WBP2NL: variants seen among roughly 807,000 people sequenced by gnomAD.
WBP2NL encodes postacrosomal sheath WW domain-binding protein.
WBP2NL carries 27 observed loss-of-function variants against 23.3 expected under a neutral mutation model. The observed-to-expected ratio is 1.16, with a 90% CI of 0.85 to 1.60. The LOEUF is 1.60. WBP2NL is among the 40% of genes most tolerant of loss of function. The probability of loss-of-function intolerance (pLI) is 0.00; values close to 1 mark genes in which losing one functional copy is unlikely to be tolerated. For missense variants in WBP2NL, 370 were observed against 389.5 expected (o/e 0.95, Z 0.42); for synonymous variants, 151 against 145.9 (o/e 1.03, Z -0.25).
chr22:42,001,702 G>A, intron 1 of WBP2NL: 1 of 1,221,672 alleles, frequency 8.2e-7, no homozygotes, highest in Non-Finnish European at 1.2e-6. Flanking sequence ...CTTTGAAGGT[G>A]AAGTTAAGAG....
chr22:42,009,716 C>A (rs1922632191), intron 1 of WBP2NL, among the ~76,000 whole-genome samples: 1 of 152,108 alleles, frequency 6.6e-6, no homozygotes, highest in African/African-American at 2.4e-5. Context: ...GTTACTGTAG[C>A]TTTGTAATAT....
chr22:42,021,789 C>CTTTCTT (rs762017491), intron 4 of WBP2NL, among the ~76,000 whole-genome samples: 3 of 132,696 alleles, frequency 2.3e-5, no homozygotes, highest in African/African-American at 8.5e-5. Flanking sequence ...TTCTTTCTTT[C>CTTTCTT]TTTTTTTTTT....
At chr22:42,004,838 C>T (rs1050070879) in intron 1 of WBP2NL, among the ~76,000 whole-genome samples, 6 of 152,198 alleles carry the variant, frequency 3.9e-5, no homozygotes, top group South Asian at 2.1e-4. Context: ...GCAGGAGAAT[C>T]GCTTGAACCT....
intron 2 of WBP2NL, 106 bp from the exon 3 acceptor site, chr22:42,019,556 G>C: frequency 6.5e-7 from 1 of 1,543,914 alleles, no homozygotes; most frequent in East Asian, 2.3e-5. Flanking sequence ...GGTGGTGGAA[G>C]AAAAGATGAT....
intron 1 of WBP2NL, among the ~76,000 whole-genome samples, chr22:42,016,756 C>CT (rs1467527757): frequency 1.3e-5 from 2 of 152,156 alleles, no homozygotes; most frequent in Non-Finnish European, 2.9e-5. Context: ...CCCTTTTAAT[C>CT]TGCACATTAC....
In WBP2NL at chr22:42,048,323, G is replaced by T. The variant is rs192654612; in HGVS notation, c.*274-9967G>T. On this transcript the variant is annotated intron_variant and NMD_transcript_variant, in intron 8 of 8. Transcript: ENST00000436265. ...TAATCCCAGCTACTCGGGAGGCAGA[G>T]GTTGCAGTGAGCCGGGATTGCACCA... Among the ~76,000 whole-genome samples the T allele has an allele frequency of 2.0e-5, 3 of 150,570 alleles. No individual in the cohort carries two copies. In the East Asian group the frequency reaches 5.8e-4, roughly 29 times the overall value.
At chr22:42,045,594 C>T (rs1925557083) in intron 8 of WBP2NL, among the ~76,000 whole-genome samples, 1 of 152,196 alleles carries the variant, frequency 6.6e-6, no homozygotes, top group Admixed American at 6.5e-5. Context: ...TTGTGAACAG[C>T]TCTCTGCCCA....
Position 42,001,824 on chromosome 22 carries a change from T to C in WBP2NL, c.62+2944T>C, listed in dbSNP as rs1288036794. 5 of 1,279,350 alleles carry C rather than the reference T, an allele frequency of 3.9e-6. No individual in the cohort carries two copies. In the African/African-American group the frequency reaches 4.4e-5, roughly 11 times the overall value. The allele number at this position is 1,279,350 out of a possible 1,614,324, so 79.2% of individuals were successfully genotyped here. On this transcript the variant is annotated intron_variant, in intron 1 of 5. Coordinates refer to ENST00000328823, the MANE Select transcript of WBP2NL (RefSeq NM_152613.3). ...GTCTCTAATGCCCTTGTATTGCTTA[T>C]CTGCAGTGATCTGCTTGCTGGCATG...
intron 4 of WBP2NL, 76 bp from the exon 5 acceptor site, chr22:42,022,173 T>G: frequency 8.5e-7 from 1 of 1,171,638 alleles, no homozygotes; most frequent in Non-Finnish European, 1.3e-6. Flanking sequence ...AATACTCTGT[T>G]AATTGTTTAG....
intron 8 of WBP2NL, among the ~76,000 whole-genome samples, chr22:42,052,945 C>G (rs974538123): frequency 6.6e-6 from 1 of 152,226 alleles, no homozygotes; most frequent in Admixed American, 6.5e-5. Flanking sequence ...AATTCCAGAA[C>G]ATCTTCATTA....
chr22:42,012,320 T>C (rs535592342), intron 1 of WBP2NL, among the ~76,000 whole-genome samples: 2 of 152,278 alleles, frequency 1.3e-5, no homozygotes, highest in South Asian at 4.1e-4. Context: ...TTTGAGATCT[T>C]TCTTCTTTAT....
chr22:42,049,198 C>T (rs1311148446), intron 8 of WBP2NL, among the ~76,000 whole-genome samples: 5 of 152,002 alleles, frequency 3.3e-5, no homozygotes, highest in African/African-American at 1.2e-4. Context: ...GAATGTACCG[C>T]ACAAATATAG....
At chr22:42,024,170 T>G (rs1289547343) in intron 5 of WBP2NL, among the ~76,000 whole-genome samples, 2 of 152,222 alleles carry the variant, frequency 1.3e-5, no homozygotes, top group Non-Finnish European at 2.9e-5. Context: ...TAGCAATACT[T>G]CATTTCTTTT....
At chr22:42,011,812 GCC>G (rs1922847676) in intron 1 of WBP2NL, among the ~76,000 whole-genome samples, 1 of 151,284 alleles carries the variant, frequency 6.6e-6, no homozygotes, top group Non-Finnish European at 1.5e-5. Context: ...TTACTCTGTC[GCC>G]CAGGCTGGAG....
At chr22:42,018,422 A>G (rs1275541781) in intron 1 of WBP2NL, among the ~76,000 whole-genome samples, 2 of 144,666 alleles carry the variant, frequency 1.4e-5, no homozygotes, top group African/African-American at 5.8e-5. Context: ...AAGGAAAGTC[A>G]AAAGGAAAGG....
intron 1 of WBP2NL, among the ~76,000 whole-genome samples, chr22:42,014,486 C>T (rs976260149): frequency 1.3e-5 from 2 of 152,142 alleles, no homozygotes; most frequent in Non-Finnish European, 2.9e-5. Context: ...TGTGGCCTCC[C>T]AAAGTGCTAG....
In WBP2NL at chr22:42,027,800, A is replaced by G. The variant is rs1329978388; in HGVS notation, c.*619A>G. ...AAAGATAGGCAACAGAATAGGAAAA[A>G]GTGATTTTCAACATATATATTAATT... On this transcript the variant is annotated 3_prime_UTR_variant, in exon 6 of 6. Transcript: ENST00000328823. 2 of 395,874 alleles carry G rather than the reference A, an allele frequency of 5.1e-6. No homozygotes were observed. The highest frequency in any genetic ancestry group is 8.9e-6 in the Non-Finnish European group (2 of 224,952). 24.5% of individuals were successfully genotyped at this position (395,874 alleles called of 1,614,324 possible).
At chr22:42,009,606 G>C (rs1922621201) in intron 1 of WBP2NL, among the ~76,000 whole-genome samples, 1 of 152,168 alleles carries the variant, frequency 6.6e-6, no homozygotes, top group Non-Finnish European at 1.5e-5. Context: ...TAGTACCTTT[G>C]TTGAAGATTA....
chr22:42,023,270 G>A (rs1182800480), intron 5 of WBP2NL, among the ~76,000 whole-genome samples: 2 of 149,804 alleles, frequency 1.3e-5, no homozygotes, highest in Non-Finnish European at 3.0e-5. Context: ...CTGCAGCCTC[G>A]ACCCCCTGGG....
Sources: gnomAD v4.1 joint callset for allele counts (sites outside exome capture counted in the v4.1 genomes callset) on GRCh38, gnomAD v4.1.1 for gene constraint, MANE v1.5 for transcripts, NCBI Gene and HGNC (gene_info 2026-07-23, HGNC 2026-07-21) for gene names.